The following RETREG1 variants were observed in gnomAD, a reference collection of about 807,000 sequenced individuals.
The protein encoded by RETREG1 is family with sequence similarity 134 member B.
Under a neutral mutation model 54.8 loss-of-function variants are expected in RETREG1, and 44 were observed. The observed-to-expected ratio is 0.80, with a 90% CI of 0.63 to 1.03. The LOEUF is 1.03. RETREG1 is among the 50% of genes least tolerant of loss of function. The pLI is 0.00. For synonymous variants in RETREG1, 217 were observed against 238.5 expected (o/e 0.91, Z 0.83); for missense variants, 554 against 605.1 (o/e 0.92, Z 0.89).
intron 3 of RETREG1, among the ~76,000 whole-genome samples, chr5:16,488,111 T>G (rs980204140): frequency 6.6e-6 from 1 of 152,158 alleles, no homozygotes; most frequent in Non-Finnish European, 1.5e-5. Flanking sequence ...TGTCTTACCT[T>G]AAGAGTCACT....
At chr5:16,513,373 A>AGG (rs1740242436) in intron 3 of RETREG1, among the ~76,000 whole-genome samples, 1 of 151,514 alleles carries the variant, frequency 6.6e-6, no homozygotes, top group Non-Finnish European at 1.5e-5. Context: ...AACTCCTTAC[A>AGG]AAAGGCAAAT....
At chr5:16,496,446 G>A (rs1739462370) in intron 3 of RETREG1, among the ~76,000 whole-genome samples, 1 of 152,168 alleles carries the variant, frequency 6.6e-6, no homozygotes, top group South Asian at 2.1e-4. Context: ...AAAAGAAGCT[G>A]AGATAATTCC....
chr5:16,480,990 T>C lies in RETREG1; in HGVS notation c.670+19A>G. 2 of 1,552,538 alleles carry C rather than the reference T, an allele frequency of 1.3e-6. No individual in the cohort carries two copies. Among genetic ancestry groups the C allele is most frequent in the Non-Finnish European group, 1.8e-6 (2 of 1,124,446 alleles). ...CCATATGCATCACAACACTTAGCCA[T>C]ATGTTCTACTATACTTACACAGTAG... is the stretch of plus-strand genomic sequence containing the variant. On this transcript the variant is annotated intron_variant, in intron 5 of 8. Transcript: ENST00000306320.
chr5:16,527,996 AG>A (rs1740776621), intron 3 of RETREG1, among the ~76,000 whole-genome samples: 1 of 151,814 alleles, frequency 6.6e-6, no homozygotes, highest in Non-Finnish European at 1.5e-5. Flanking sequence ...TTTTTAGTAC[AG>A]ACGGGGTTTC....
chr5:16,612,460 A>G (rs1372543385), intron 1 of RETREG1, among the ~76,000 whole-genome samples: 1 of 152,250 alleles, frequency 6.6e-6, no homozygotes, highest in African/African-American at 2.4e-5. Context: ...GGAAGACATC[A>G]AAATGTTTAC....
intron 3 of RETREG1, among the ~76,000 whole-genome samples, chr5:16,541,919 A>C (rs2126607418): frequency 6.6e-6 from 1 of 152,332 alleles, no homozygotes; most frequent in African/African-American, 2.4e-5. Context: ...TTGTTTCCTA[A>C]GAGAAATTAC....
intron 3 of RETREG1, among the ~76,000 whole-genome samples, chr5:16,515,394 T>C (rs539541049): frequency 3.0e-4 from 46 of 152,364 alleles, no homozygotes; most frequent in African/African-American, 1.1e-3. Context: ...TATTCCAATC[T>C]GTTTTCTTCA....
At chr5:16,506,753 C>T (rs1314258956) in intron 3 of RETREG1, among the ~76,000 whole-genome samples, 1 of 152,030 alleles carries the variant, frequency 6.6e-6, no homozygotes, top group Non-Finnish European at 1.5e-5. Flanking sequence ...CTTCTTTCTG[C>T]ACAGATAGGG....
intron 3 of RETREG1, among the ~76,000 whole-genome samples, chr5:16,489,370 A>G (rs1448807971): frequency 2.6e-5 from 4 of 152,226 alleles, no homozygotes; most frequent in Non-Finnish European, 5.9e-5. Flanking sequence ...TGGAATTTCT[A>G]ATGCACTTGG....
chr5:16,616,440 G>C (rs1180262793), intron 1 of RETREG1: 1 of 885,280 alleles, frequency 1.1e-6, no homozygotes, highest in Non-Finnish European at 1.6e-6. Context: ...TCCGCACACG[G>C]AGAACGACAA....
chr5:16,488,493 G>C (rs543729032), intron 3 of RETREG1, among the ~76,000 whole-genome samples: 6 of 152,206 alleles, frequency 3.9e-5, no homozygotes, highest in Non-Finnish European at 5.9e-5. Context: ...CAGTGCCAGA[G>C]AGTAGAGCAC....
In RETREG1 at chr5:16,597,536, C is replaced by A. The variant is rs1297746566; in HGVS notation, c.320+19116G>T. Among the ~76,000 whole-genome samples, 1 of 152,206 alleles carries A rather than the reference C, an allele frequency of 6.6e-6. No homozygotes were observed. Among genetic ancestry groups the A allele is most frequent in the Non-Finnish European group, 1.5e-5 (1 of 68,036 alleles). On this transcript the variant is annotated intron_variant, in intron 1 of 8. Transcript: ENST00000306320. The surrounding 1 kb of genome is among the most constrained non-coding windows in gnomAD (Gnocchi z 4.3). ...GTCTCTCTCAGGATGGCATTCTGCA[C>A]TGGGCAAGGCCCCACACTCAGCCTG...
intron 1 of RETREG1, among the ~76,000 whole-genome samples, chr5:16,604,744 AG>A (rs1342778577): frequency 6.6e-6 from 1 of 152,210 alleles, no homozygotes; most frequent in African/African-American, 2.4e-5. Flanking sequence ...GTTTTCACTT[AG>A]GTATTGCCTT....
chr5:16,483,382 T>C lies in RETREG1; in HGVS notation c.549A>G (p.Gln183=). The C allele has an allele frequency of 6.2e-7, 1 of 1,613,442 alleles. No homozygotes were observed. Among genetic ancestry groups the C allele is most frequent in the Non-Finnish European group, 8.5e-7 (1 of 1,179,452 alleles). ...ESWMNFSIFL[Q]EMSLFKQQSP... ...TCTGCTGTTTAAAAAGAGACATTTC[T>C]TGAAGAAATATGCTGAAATTCATCC... The change falls in exon 4 of 9, where the codon CAA becomes CAG. Residue 183 remains glutamine, a synonymous_variant. Coordinates refer to ENST00000306320, the MANE Select transcript of RETREG1 (RefSeq NM_001034850.3).
intron 3 of RETREG1, among the ~76,000 whole-genome samples, chr5:16,520,680 T>A (rs2126580338): frequency 6.6e-6 from 1 of 152,280 alleles, no homozygotes; most frequent in East Asian, 1.9e-4. Context: ...ATGGTGCAAA[T>A]GTAATTGTGG....
intron 2 of RETREG1, among the ~76,000 whole-genome samples, chr5:16,570,993 A>G (rs1056019302): frequency 6.6e-6 from 1 of 152,176 alleles, no homozygotes; most frequent in African/African-American, 2.4e-5. Context: ...GGAAGGAAAT[A>G]TCTTCAAACC....
intron 1 of RETREG1, among the ~76,000 whole-genome samples, chr5:16,576,742 G>C (rs913745358): frequency 2.6e-5 from 4 of 151,962 alleles, no homozygotes; most frequent in African/African-American, 7.2e-5. Context: ...TCGGCCTCCC[G>C]AAGTGCTAGG....
chr5:16,489,779 C>G (rs79101527), intron 3 of RETREG1, among the ~76,000 whole-genome samples: 2,355 of 152,176 alleles, frequency 0.015, 65 homozygotes, highest in African/African-American at 0.054. Flanking sequence ...ATGAAACTCA[C>G]CTTTAAAAAA....
chr5:16,477,905 AT>A (rs1379882023), intron 7 of RETREG1, 117 bp from the exon 8 acceptor site: 1 of 1,434,790 alleles, frequency 7.0e-7, no homozygotes, highest in Non-Finnish European at 9.7e-7. Flanking sequence ...GGATATTTTT[AT>A]TTTGAAATCA....
Sources: gnomAD v4.1 joint callset for allele counts (sites outside exome capture counted in the v4.1 genomes callset) on GRCh38, gnomAD v4.1.1 for gene constraint, Gnocchi (gnomAD v3.1) non-coding constraint, MANE v1.5 for transcripts, NCBI Gene and HGNC (gene_info 2026-07-23, HGNC 2026-07-21) for gene names.